The following THRB variants were observed in gnomAD, a reference collection of about 807,000 sequenced individuals.
The protein encoded by THRB is thyroid hormone receptor beta, also known as nuclear receptor subfamily 1 group A member 2.
In THRB, 12 loss-of-function variants were observed where a neutral mutation model predicts 47.8. The ratio of observed to expected loss-of-function variants is 0.25; its 90% CI spans 0.16 to 0.41. THRB has a LOEUF of 0.41. THRB is among the 10% of genes least tolerant of loss of function. The pLI, the probability that THRB is intolerant of heterozygous loss-of-function variation, is 1.00. For missense variants in THRB, 348 were observed against 589.2 expected, an observed-to-expected ratio of 0.59 and a Z score of 4.24; for synonymous variants, 218 against 212.2, an observed-to-expected ratio of 1.03 and a Z score of -0.24.
intron 1 of THRB, among the ~76,000 whole-genome samples, chr3:24,460,380 T>A (rs906669312): frequency 4.6e-5 from 7 of 152,194 alleles, no homozygotes; most frequent in African/African-American, 1.7e-4. Flanking sequence ...AAGTTTACCC[T>A]CAATTATCTT....
intron 3 of THRB, among the ~76,000 whole-genome samples, chr3:24,240,923 A>ACC (rs1343987999): frequency 6.6e-6 from 1 of 152,070 alleles, no homozygotes; most frequent in Non-Finnish European, 1.5e-5. Flanking sequence ...CATGGCAGGC[A>ACC]CCCCCACCTT....
At chr3:24,317,668 A>G (rs1448394092) in intron 2 of THRB, among the ~76,000 whole-genome samples, 2 of 152,232 alleles carry the variant, frequency 1.3e-5, no homozygotes, top group African/African-American at 4.8e-5. Flanking sequence ...AGAAACTACA[A>G]TTCAATTCTT....
chr3:24,153,069 A>C (rs1174819312), intron 5 of THRB, among the ~76,000 whole-genome samples: 1 of 151,986 alleles, frequency 6.6e-6, no homozygotes, highest in Admixed American at 6.6e-5. Context: ...CAGTGACTCA[A>C]GCAGAGAGGC....
chr3:24,297,600 G>T (rs970542256), intron 2 of THRB, among the ~76,000 whole-genome samples: 1 of 152,244 alleles, frequency 6.6e-6, no homozygotes, highest in African/African-American at 2.4e-5. Flanking sequence ...CAGGGAAATG[G>T]TGGGATGCTG....
At chr3:24,304,497 T>C (rs2057193575) in intron 2 of THRB, among the ~76,000 whole-genome samples, 1 of 152,010 alleles carries the variant, frequency 6.6e-6, no homozygotes, top group African/African-American at 2.4e-5. Flanking sequence ...AAAGAGAATA[T>C]GTTCCATCCA....
chr3:24,434,893 C>T (rs2070786318), intron 1 of THRB, among the ~76,000 whole-genome samples: 1 of 152,148 alleles, frequency 6.6e-6, no homozygotes, highest in African/African-American at 2.4e-5. Context: ...TCTGTGCTTG[C>T]CATACTGGTC....
At chr3:24,269,208 T>C (rs1000744917) in intron 3 of THRB, among the ~76,000 whole-genome samples, 1 of 152,242 alleles carries the variant, frequency 6.6e-6, no homozygotes, top group African/African-American at 2.4e-5. Context: ...ATTAAGGTTT[T>C]AATGATTTAC....
chr3:24,425,295 C>A (rs2069646438), intron 1 of THRB, among the ~76,000 whole-genome samples: 1 of 151,942 alleles, frequency 6.6e-6, no homozygotes, highest in Admixed American at 6.6e-5. Context: ...TTTGTTTAAT[C>A]TTTGTCAATT....
chr3:24,200,131 A>G (rs548567414), intron 4 of THRB, among the ~76,000 whole-genome samples: 1 of 152,236 alleles, frequency 6.6e-6, no homozygotes, highest in Non-Finnish European at 1.5e-5. Context: ...TTGCAGAAAC[A>G]TTCATATTAA....
intron 2 of THRB, among the ~76,000 whole-genome samples, chr3:24,322,270 G>A (rs146368235): frequency 1.3e-5 from 2 of 152,140 alleles, no homozygotes; most frequent in African/African-American, 4.8e-5. Context: ...TAAACCAGTA[G>A]TAGAAGCTTA....
chr3:24,422,683 T>C (rs749880005), intron 1 of THRB, among the ~76,000 whole-genome samples: 4 of 151,888 alleles, frequency 2.6e-5, no homozygotes, highest in African/African-American at 4.8e-5. Flanking sequence ...CTGCTGAACT[T>C]ACTTGTGGGG....
chr3:24,141,713 A>G (rs1482270784), intron 8 of THRB, among the ~76,000 whole-genome samples: 1 of 152,230 alleles, frequency 6.6e-6, no homozygotes, highest in African/African-American at 2.4e-5. Context: ...TGGGGAGTAA[A>G]GACAATAAAA....
chr3:24,303,862 C>T (rs1279693500), intron 2 of THRB, among the ~76,000 whole-genome samples: 1 of 152,022 alleles, frequency 6.6e-6, no homozygotes, highest in East Asian at 1.9e-4. Context: ...AATCTTTTTC[C>T]TCCTTTAATT....
chr3:24,123,138 GAGA>G lies in THRB; in HGVS notation c.1145-16_1145-14del, dbSNP rs1429605718. On this transcript the variant is annotated splice_polypyrimidine_tract_variant and intron_variant, in intron 10 of 10. Transcript: ENST00000646209. Reference sequence around the variant, plus strand: ...AGCCCCGGGCGATCTGCGGGGAAGAGAGAAGATGGACATTGATTCAGAGATGGA... The same window carrying G: ...AGCCCCGGGCGATCTGCGGGGAAGAGAGATGGACATTGATTCAGAGATGGA... 1 of 1,613,890 alleles carries G rather than the reference GAGA, an allele frequency of 6.2e-7. No homozygotes were observed. Among genetic ancestry groups the G allele is most frequent in the African/African-American group, 1.3e-5 (1 of 74,922 alleles).
chr3:24,251,207 C>G (rs948443178), intron 3 of THRB, among the ~76,000 whole-genome samples: 5 of 151,954 alleles, frequency 3.3e-5, no homozygotes, highest in African/African-American at 1.2e-4. Flanking sequence ...CAATGCTGTA[C>G]TTACTAAAGG....
chr3:24,257,465 T>C (rs1361880933), intron 3 of THRB, among the ~76,000 whole-genome samples: 1 of 152,160 alleles, frequency 6.6e-6, no homozygotes, highest in Non-Finnish European at 1.5e-5. Flanking sequence ...ACATGCTTCA[T>C]AGTAAAAAAA....
intron 3 of THRB, among the ~76,000 whole-genome samples, chr3:24,237,527 T>TTC (rs888056678): frequency 2.6e-5 from 4 of 152,196 alleles, no homozygotes; most frequent in Admixed American, 6.5e-5. Context: ...CATTGTCCTC[T>TTC]TCTCTCTCTT....
chr3:24,214,233 T>C (rs1268434320), intron 4 of THRB, among the ~76,000 whole-genome samples: 1 of 152,168 alleles, frequency 6.6e-6, no homozygotes, highest in Non-Finnish European at 1.5e-5. Context: ...CAGCTGTGGT[T>C]TAGGGCATAT....
At chr3:24,172,387 C>T (rs560555391) in intron 5 of THRB, among the ~76,000 whole-genome samples, 1 of 152,116 alleles carries the variant, frequency 6.6e-6, no homozygotes, top group East Asian at 1.9e-4. Context: ...AAGACCAGGG[C>T]CTCTTGGGCT....
Sources: gnomAD v4.1 joint callset for allele counts (sites outside exome capture counted in the v4.1 genomes callset) on GRCh38, gnomAD v4.1.1 for gene constraint, MANE v1.5 for transcripts, NCBI Gene and HGNC (gene_info 2026-07-23, HGNC 2026-07-21) for gene names.